NTN1: variants seen among roughly 807,000 people sequenced by gnomAD.
NTN1 encodes netrin-1.
Under a neutral mutation model 54.2 loss-of-function variants are expected in NTN1, and 11 were observed. The observed-to-expected ratio is 0.20, with a 90% CI of 0.13 to 0.34. The LOEUF (loss-of-function observed/expected upper bound fraction) is 0.34. Among genes scored for constraint, NTN1 ranks in the 10% least tolerant of loss-of-function variants. The probability of loss-of-function intolerance (pLI) is 1.00; values close to 1 mark genes in which losing one functional copy is unlikely to be tolerated. For synonymous variants in NTN1, 371 were observed against 382.0 expected, an observed-to-expected ratio of 0.97 and a Z score of 0.33; for missense variants, 740 against 893.1, an observed-to-expected ratio of 0.83 and a Z score of 2.18.
At chr17:9,064,752 C>G (rs1479832067) in intron 2 of NTN1, among the ~76,000 whole-genome samples, 2 of 152,142 alleles carry the variant, frequency 1.3e-5, no homozygotes, top group Non-Finnish European at 2.9e-5. Flanking sequence ...TGATCCATTT[C>G]CACACAACAG....
At chr17:9,061,757 C>A (rs1176091676) in intron 2 of NTN1, among the ~76,000 whole-genome samples, 3 of 151,936 alleles carry the variant, frequency 2.0e-5, no homozygotes, top group Non-Finnish European at 4.4e-5. Context: ...AGACCAGAGT[C>A]CAGTGGCGTG....
chr17:9,060,623 C>G (rs1471718311), intron 2 of NTN1, among the ~76,000 whole-genome samples: 1 of 152,108 alleles, frequency 6.6e-6, no homozygotes, highest in African/African-American at 2.4e-5. Context: ...GTGTAGCAAA[C>G]AGCACGGGGA....
chr17:9,226,454 T>TCTCGTGGGGAGGCG (rs1567744971), intron 6 of NTN1, among the ~76,000 whole-genome samples: 4 of 94,916 alleles, frequency 4.2e-5, no homozygotes, highest in Admixed American at 1.0e-4. Context: ...GTGGGGAGGC[T>TCTCGTGGGGAGGCG]GTCTCGTGGG....
rs544133513 is a variant in NTN1, at chr17:9,136,501, C to T, written c.1019-26312C>T. On this transcript the variant is annotated intron_variant, in intron 2 of 6. Transcript: ENST00000173229. ...CTGAGGGAGGAGAATTGCTTGAACC[C>T]GGGAGGCAGAGGCTGCAGTGAGCCA... Among the ~76,000 whole-genome samples the T allele has an allele frequency of 6.6e-5, 10 of 152,092 alleles. No individual in the cohort carries two copies. The South Asian group carries it at 8.3e-4, about 13-fold the overall frequency.
At chr17:9,089,179 G>A (rs1364150739) in intron 2 of NTN1, among the ~76,000 whole-genome samples, 2 of 152,128 alleles carry the variant, frequency 1.3e-5, no homozygotes, top group Non-Finnish European at 2.9e-5. Flanking sequence ...TTGGGAGGCC[G>A]AGACTGGTGG....
At chr17:9,199,742 C>T (rs376643722) in intron 5 of NTN1, among the ~76,000 whole-genome samples, 1 of 152,238 alleles carries the variant, frequency 6.6e-6, no homozygotes, top group Non-Finnish European at 1.5e-5. Context: ...TGTAGTCTAT[C>T]TGCCTGGTTG....
At chr17:9,048,467 C>T (rs912090768) in intron 2 of NTN1, among the ~76,000 whole-genome samples, 2 of 152,040 alleles carry the variant, frequency 1.3e-5, no homozygotes, top group African/African-American at 4.8e-5. Context: ...TTTAAGGGCC[C>T]TAGGATTTTC....
At position 9,056,303 on chromosome 17, in the gene NTN1, T is replaced by C. The variant is rs181273621; in HGVS notation, c.1018+32912T>C. 7.9e-5 allele frequency among the ~76,000 whole-genome samples: 12 copies of C among 152,324 alleles called. 1 individual carries two copies. In the East Asian group the frequency reaches 1.4e-3, roughly 17 times the overall value. On this transcript the variant is annotated intron_variant, in intron 2 of 6. Coordinates refer to ENST00000173229, the MANE Select transcript of NTN1 (RefSeq NM_004822.3). Reference sequence around the variant, plus strand: ...AACTCCTGACCTCAAGTGATCTGCCTGCCTTGGCCTCCCAAAGTGTTGGGA... The same window carrying C: ...AACTCCTGACCTCAAGTGATCTGCCCGCCTTGGCCTCCCAAAGTGTTGGGA...
At chr17:9,164,882 G>C (rs2092369610) in intron 3 of NTN1, among the ~76,000 whole-genome samples, 1 of 152,216 alleles carries the variant, frequency 6.6e-6, no homozygotes, top group Non-Finnish European at 1.5e-5. Context: ...AGGGACCCGA[G>C]AAACATCTGC....
intron 2 of NTN1, among the ~76,000 whole-genome samples, chr17:9,116,209 G>A (rs1025863223): frequency 6.6e-6 from 1 of 152,362 alleles, no homozygotes; most frequent in African/African-American, 2.4e-5. Context: ...CCACGGGGGT[G>A]GCAGAACAGG....
At chr17:9,183,061 G>C in intron 5 of NTN1, 92 bp downstream of exon 5, 1 of 1,321,926 alleles carries the variant, frequency 7.6e-7, no homozygotes, top group Non-Finnish European at 1.1e-6. Context: ...GGAAAGCCCA[G>C]ACTCCTCTAA....
In NTN1 at chr17:9,090,685, T is replaced by A. The variant is rs563935456; in HGVS notation, c.1018+67294T>A. On this transcript the variant is annotated intron_variant, in intron 2 of 6. Coordinates refer to ENST00000173229, the MANE Select transcript of NTN1 (RefSeq NM_004822.3). ...TTGTCTTCTCTGGCCATTTCTCTGC[T>A]TGGGTACAGAAACCAGGCCAAGTGC... Among the ~76,000 whole-genome samples, 18 of 152,176 alleles carry A rather than the reference T, an allele frequency of 1.2e-4. No homozygotes were observed. The East Asian group carries it at 3.5e-3, about 29-fold the overall frequency.
intron 2 of NTN1, among the ~76,000 whole-genome samples, chr17:9,107,474 A>C (rs2092171436): frequency 6.6e-6 from 1 of 152,200 alleles, no homozygotes; most frequent in Admixed American, 6.5e-5. Context: ...AAAGAAAAAA[A>C]GTTTGGGGGT....
intron 6 of NTN1, among the ~76,000 whole-genome samples, chr17:9,231,921 G>A (rs565209921): frequency 3.3e-5 from 5 of 152,108 alleles, no homozygotes; most frequent in Admixed American, 1.3e-4. Context: ...TTGGGGGGAC[G>A]CTCACTGCTC....
chr17:9,024,681 G>A (rs956453890), intron 2 of NTN1, among the ~76,000 whole-genome samples: 1 of 152,252 alleles, frequency 6.6e-6, no homozygotes, highest in Non-Finnish European at 1.5e-5. Context: ...GATCGCCGCA[G>A]AGGCCCAGTC....
At chr17:9,130,236 T>G (rs2092260228) in intron 2 of NTN1, among the ~76,000 whole-genome samples, 1 of 152,066 alleles carries the variant, frequency 6.6e-6, no homozygotes, top group Non-Finnish European at 1.5e-5. Context: ...TGCAGGAGGC[T>G]GGTATGGGTT....
At chr17:9,172,926 A>AG (rs1255341022) in intron 3 of NTN1, 1 of 152,134 alleles carries the variant, frequency 6.6e-6, no homozygotes, top group East Asian at 1.9e-4. Flanking sequence ...AAAAAAAAAA[A>AG]AAAATGTATG....
intron 5 of NTN1, among the ~76,000 whole-genome samples, chr17:9,214,173 G>T (rs1355908484): frequency 2.0e-5 from 3 of 151,992 alleles, no homozygotes; most frequent in Admixed American, 1.3e-4. Context: ...TTCTAGAATT[G>T]AATGCATTTC....
intron 2 of NTN1, among the ~76,000 whole-genome samples, chr17:9,133,935 C>T (rs1254500305): frequency 2.8e-5 from 3 of 108,958 alleles, no homozygotes; most frequent in African/African-American, 7.3e-5. Context: ...GACAGAGTCT[C>T]ACTCTGTCTC....
Sources: gnomAD v4.1 joint callset for allele counts (sites outside exome capture counted in the v4.1 genomes callset) on GRCh38, gnomAD v4.1.1 for gene constraint, MANE v1.5 for transcripts, NCBI Gene and HGNC (gene_info 2026-07-23, HGNC 2026-07-21) for gene names.